Variants in ZDHHC21 observed in about 807,000 individuals in gnomAD.
ZDHHC21 encodes the protein palmitoyltransferase ZDHHC21.
ZDHHC21 carries 15 observed loss-of-function variants against 34.6 expected under a neutral mutation model. That is an observed-to-expected ratio of 0.43 (90% CI 0.29 to 0.67). ZDHHC21 has a LOEUF of 0.67. ZDHHC21 is among the 30% of genes least tolerant of loss of function. The pLI, the probability that ZDHHC21 is intolerant of heterozygous loss-of-function variation, is 0.14. For missense variants in ZDHHC21, 344 were observed against 327.7 expected, an observed-to-expected ratio of 1.05 and a Z score of -0.38; for synonymous variants, 142 against 101.8, an observed-to-expected ratio of 1.40 and a Z score of -2.38.
intron 7 of ZDHHC21, among the ~76,000 whole-genome samples, chr9:14,640,723 G>C (rs1829231975): frequency 6.6e-6 from 1 of 152,056 alleles, no homozygotes; most frequent in Non-Finnish European, 1.5e-5. Context: ...TTTATAACAG[G>C]GATGCATGCA....
At chr9:14,665,756 T>C (rs1834318062) in intron 5 of ZDHHC21, among the ~76,000 whole-genome samples, 1 of 146,146 alleles carries the variant, frequency 6.8e-6, no homozygotes, top group Non-Finnish European at 1.5e-5. Context: ...CTAAGCTTCA[T>C]AAGTGAAGGA....
chr9:14,597,759 A>C, the ZDHHC21 span, among the ~76,000 whole-genome samples: 4 of 152,090 alleles, frequency 2.6e-5, no homozygotes, highest in Non-Finnish European at 4.4e-5. Flanking sequence ...AGCCACACAC[A>C]GCAACACGAG....
chr9:14,659,856 T>C (rs985784272), intron 6 of ZDHHC21, among the ~76,000 whole-genome samples: 2 of 152,170 alleles, frequency 1.3e-5, no homozygotes, highest in Non-Finnish European at 2.9e-5. Flanking sequence ...AGCAGGATTA[T>C]AAGAGAAGTG....
chr9:14,684,672 T>C (rs2131642807), intron 2 of ZDHHC21, among the ~76,000 whole-genome samples: 1 of 152,072 alleles, frequency 6.6e-6, no homozygotes, highest in East Asian at 1.9e-4. Context: ...AAGCTACCAA[T>C]GCCTTTCTTC....
chr9:14,692,674 A>G (rs979762960), intron 1 of ZDHHC21, among the ~76,000 whole-genome samples: 1 of 152,170 alleles, frequency 6.6e-6, no homozygotes, highest in South Asian at 2.1e-4. Flanking sequence ...GCTGCCATCC[A>G]TAAGCCATTT....
At chr9:14,663,604 G>C (rs145906341) in intron 5 of ZDHHC21, among the ~76,000 whole-genome samples, 6 of 149,832 alleles carry the variant, frequency 4.0e-5, no homozygotes, top group African/African-American at 1.5e-4. Flanking sequence ...GAATGGTCAG[G>C]AGCAACATCA....
chr9:14,662,475 C>A, intron 5 of ZDHHC21, 149 bp from the exon 6 acceptor site: 1 of 573,760 alleles, frequency 1.7e-6, no homozygotes, highest in South Asian at 2.4e-5. Context: ...ATGTGTTTGC[C>A]ATAAATGCTG....
At position 14,616,734 on chromosome 9, in the gene ZDHHC21, A is replaced by T. The variant is rs1824256005; in HGVS notation, c.*2232T>A. 6.6e-6 allele frequency: 1 copy of T among 151,886 alleles called. No homozygotes were observed. Among genetic ancestry groups the T allele is most frequent in the Non-Finnish European group, 1.5e-5 (1 of 67,822 alleles). The allele number at this position is 151,886 out of a possible 1,614,324, so 9.4% of individuals were successfully genotyped here. A position where few individuals can be genotyped will look rare whatever the true frequency, so the allele number is the denominator to read the frequency against. ...TATATATAGATATACTGTAATATAC[A>T]TTCTTATGTATATATACTGATAGAT... On this transcript the variant is annotated 3_prime_UTR_variant, in exon 10 of 10. Coordinates refer to ENST00000380916, the MANE Select transcript of ZDHHC21 (RefSeq NM_178566.6).
At chr9:14,607,082 CAAAAA>C (rs3081725), downstream of ZDHHC21, among the ~76,000 whole-genome samples, 5 of 131,732 alleles carry the variant, frequency 3.8e-5, no homozygotes, top group African/African-American at 8.5e-5. Flanking sequence ...TTACTAATAG[CAAAAA>C]AAAAAAAAAA....
In ZDHHC21 at chr9:14,617,579, G is replaced by A. The variant is rs1347342296; in HGVS notation, c.*1387C>T. The A allele has an allele frequency of 1.3e-5, 2 of 151,896 alleles. No individual in the cohort carries two copies. The highest frequency in any genetic ancestry group is 2.9e-5 in the Non-Finnish European group (2 of 67,908). The allele number at this position is 151,896 out of a possible 1,614,324, so 9.4% of individuals were successfully genotyped here. ...GACTTTTTCAATCTTCTCTTCAAGG[G>A]AAAGACTGTGAGTACATAAATTTTT... On this transcript the variant is annotated 3_prime_UTR_variant, in exon 10 of 10. Coordinates refer to ENST00000380916, the MANE Select transcript of ZDHHC21 (RefSeq NM_178566.6).
At chr9:14,645,498 T>C (rs1002941094) in intron 7 of ZDHHC21, among the ~76,000 whole-genome samples, 10 of 152,060 alleles carry the variant, frequency 6.6e-5, no homozygotes, top group Non-Finnish European at 1.0e-4. Flanking sequence ...AGTACCTAGA[T>C]GATAATAAAG....
At position 14,662,031 on chromosome 9, in the gene ZDHHC21, G is replaced by A. The variant is rs1174577740; in HGVS notation, c.365+184C>T. Among the ~76,000 whole-genome samples, 2 of 152,014 alleles carry A rather than the reference G, an allele frequency of 1.3e-5. 1 individual carries two copies. The highest frequency in any genetic ancestry group is 1.3e-4 in the Admixed American group (2 of 15,260). On this transcript the variant is annotated intron_variant, in intron 6 of 9. Coordinates refer to ENST00000380916, the MANE Select transcript of ZDHHC21 (RefSeq NM_178566.6). The stretch of plus-strand genomic sequence containing the variant: ...AAATCTCTCCCTGTTAGAAAAGATA[G>A]GATTTCTGTGGAAAAATGACTTTGG...
chr9:14,669,999 TATA>T (rs925074424), intron 5 of ZDHHC21, among the ~76,000 whole-genome samples: 24 of 148,660 alleles, frequency 1.6e-4, no homozygotes, highest in African/African-American at 6.0e-4. Flanking sequence ...AAACTTAAAG[TATA>T]ATAAAAAAAC....
At position 14,619,089 on chromosome 9, in the gene ZDHHC21, G is replaced by A. The variant is rs754172718; in HGVS notation, c.675C>T (p.Pro225=). The part of the protein sequence containing the change: ...MSNCCEDISR[P]RKPWQQTFSE... ...AGAAGGTCTGCTGCCATGGCTTTCG[G>A]GGCCTCGATCTACAGAAGACAGCAT... Residue 225 remains proline, a synonymous_variant, in exon 10 of 10, where the codon CCC becomes CCT. Transcript: ENST00000380916. 6 of 1,608,790 alleles carry A rather than the reference G, an allele frequency of 3.7e-6. No individual in the cohort carries two copies. The highest frequency in any genetic ancestry group is 4.5e-5 in the East Asian group (2 of 44,596).
chr9:14,625,709 C>T (rs1826085693), intron 8 of ZDHHC21, among the ~76,000 whole-genome samples: 1 of 150,456 alleles, frequency 6.6e-6, no homozygotes, highest in Non-Finnish European at 1.5e-5. Context: ...AACTTTTCAA[C>T]ATTATGTTTA....
intron 1 of ZDHHC21, among the ~76,000 whole-genome samples, chr9:14,690,804 C>G (rs1483931915): frequency 6.6e-6 from 1 of 152,140 alleles, no homozygotes. Context: ...GAATTCTTAA[C>G]AAATCACTTT....
the ZDHHC21 span, among the ~76,000 whole-genome samples, chr9:14,599,146 T>C: frequency 6.6e-6 from 1 of 152,200 alleles, no homozygotes; most frequent in African/African-American, 2.4e-5. Flanking sequence ...AGTGCCTTTA[T>C]GGGGCTGGCA....
chr9:14,681,334 C>G (rs1185937877), intron 2 of ZDHHC21, among the ~76,000 whole-genome samples: 2 of 152,164 alleles, frequency 1.3e-5, no homozygotes, highest in African/African-American at 4.8e-5. Context: ...ATCCTCCTGC[C>G]TCAGCCTCCT....
intron 2 of ZDHHC21, among the ~76,000 whole-genome samples, chr9:14,685,293 C>G (rs1838119997): frequency 6.6e-6 from 1 of 151,692 alleles, no homozygotes; most frequent in African/African-American, 2.4e-5. Flanking sequence ...AAAATTTTTG[C>G]AATCTACTCA....
Sources: gnomAD v4.1 joint callset for allele counts (sites outside exome capture counted in the v4.1 genomes callset) on GRCh38, gnomAD v4.1.1 for gene constraint, MANE v1.5 for transcripts, NCBI Gene and HGNC (gene_info 2026-07-23, HGNC 2026-07-21) for gene names.